The following XKR4 variants were observed in gnomAD, a reference collection of about 807,000 sequenced individuals.
The protein encoded by XKR4 is XK-related protein 4.
A neutral mutation model predicts 53.9 loss-of-function variants in XKR4; 12 were observed. The ratio of observed to expected loss-of-function variants is 0.22; its 90% CI spans 0.14 to 0.36. The LOEUF (loss-of-function observed/expected upper bound fraction) is 0.36, where lower values mean the gene tolerates loss of function less well. Among genes scored for constraint, XKR4 ranks in the 10% least tolerant of loss-of-function variants. XKR4 has a pLI of 1.00. For missense variants in XKR4, 799 were observed against 859.5 expected (o/e 0.93, Z 0.88); for synonymous variants, 354 against 362.4 (o/e 0.98, Z 0.26).
At position 55,300,045 on chromosome 8, in the gene XKR4, G is replaced by A. The variant is rs150881120; in HGVS notation, c.807-57633G>A. On this transcript the variant is annotated intron_variant, in intron 1 of 2. Coordinates refer to ENST00000327381, the MANE Select transcript of XKR4 (RefSeq NM_052898.2). Reference sequence around the variant, plus strand: ...ACTGTCTGGAGGTGTCAAAGCCCCCGCTGTAGGTGGAGAACCACGAATTCA... The same window carrying A: ...ACTGTCTGGAGGTGTCAAAGCCCCCACTGTAGGTGGAGAACCACGAATTCA... Among the ~76,000 whole-genome samples the A allele has an allele frequency of 5.2e-3, 791 of 152,266 alleles. 5 individuals are homozygous for A. The highest frequency in any genetic ancestry group is 9.3e-3 in the Non-Finnish European group (630 of 68,006).
intron 2 of XKR4, among the ~76,000 whole-genome samples, chr8:55,430,831 C>T (rs1441395348): frequency 1.3e-5 from 2 of 152,148 alleles, no homozygotes; most frequent in Non-Finnish European, 2.9e-5. Context: ...TGTATCAGTC[C>T]TATAGGATTA....
In XKR4 at chr8:55,540,502, GC is replaced by G. The variant is rs893924073; in HGVS notation, c.*16276del. 3.3e-5 allele frequency: 5 copies of G among 152,188 alleles called. No homozygotes were observed. Among genetic ancestry groups the G allele is most frequent in the African/African-American group, 1.2e-4 (5 of 41,456 alleles). 9.4% of individuals were successfully genotyped at this position (152,188 alleles called of 1,614,324 possible). A position where few individuals can be genotyped will look rare whatever the true frequency, so the allele number is the denominator to read the frequency against. On this transcript the variant is annotated 3_prime_UTR_variant, in exon 3 of 3. Transcript: ENST00000327381. ...GTAAAGAGCGCAGAAAGAGACCATA[GC>G]TATTCTTGGATGAGAACCTTGCCTC...
chr8:55,182,494 G>C (rs1259280257), intron 1 of XKR4, among the ~76,000 whole-genome samples: 2 of 152,164 alleles, frequency 1.3e-5, no homozygotes, highest in Non-Finnish European at 2.9e-5. Flanking sequence ...GGTGAGGTAA[G>C]TGTCAAGGTT....
intron 1 of XKR4, among the ~76,000 whole-genome samples, chr8:55,208,460 A>G (rs150802486): frequency 6.6e-6 from 1 of 151,840 alleles, no homozygotes; most frequent in African/African-American, 2.4e-5. Context: ...TCATTGTTAT[A>G]GTTTGTTTTC....
At chr8:55,289,597 GAA>G (rs772721406) in intron 1 of XKR4, among the ~76,000 whole-genome samples, 20 of 68,856 alleles carry the variant, frequency 2.9e-4, no homozygotes, top group Non-Finnish European at 5.3e-4. Flanking sequence ...GAAAGAGAAA[GAA>G]AGAAAGAAAG....
rs143186647 is a variant in XKR4 at position 55,190,033 on chromosome 8, G to A, written c.806+86739G>A. The stretch of plus-strand genomic sequence containing the variant: ...TCACTTGCCCGGAGACAAACCTACC[G>A]GGAGTATATTGCTAGACTGAATCCA... On this transcript the variant is annotated intron_variant, in intron 1 of 2. Coordinates refer to ENST00000327381, the MANE Select transcript of XKR4 (RefSeq NM_052898.2). Among the ~76,000 whole-genome samples, 454 of 152,274 alleles carry A rather than the reference G, an allele frequency of 3.0e-3. 2 individuals carry two copies. The highest frequency in any genetic ancestry group is 1.0e-2 in the African/African-American group (415 of 41,564).
At chr8:55,439,183 G>A (rs961452951) in intron 2 of XKR4, among the ~76,000 whole-genome samples, 1 of 152,162 alleles carries the variant, frequency 6.6e-6, no homozygotes, top group African/African-American at 2.4e-5. Context: ...GAATCTTCAA[G>A]CTAAAAAAGT....
chr8:55,428,622 C>A (rs1805054227), intron 2 of XKR4, among the ~76,000 whole-genome samples: 1 of 152,208 alleles, frequency 6.6e-6, no homozygotes, highest in Non-Finnish European at 1.5e-5. Context: ...CTTTTCTCAA[C>A]TCCCCCGTGT....
chr8:55,375,376 A>T (rs768414182), intron 2 of XKR4, among the ~76,000 whole-genome samples: 8 of 152,120 alleles, frequency 5.3e-5, no homozygotes, highest in Non-Finnish European at 1.0e-4. Flanking sequence ...AATTTATCAG[A>T]AAAGAGTTCC....
At chr8:55,471,024 G>T (rs974411043) in intron 2 of XKR4, among the ~76,000 whole-genome samples, 7 of 152,062 alleles carry the variant, frequency 4.6e-5, no homozygotes, top group African/African-American at 1.7e-4. Context: ...TCCTGGAAAG[G>T]TCTGGCAACA....
chr8:55,286,444 G>A (rs1465063688), intron 1 of XKR4, among the ~76,000 whole-genome samples: 1 of 152,182 alleles, frequency 6.6e-6, no homozygotes, highest in Non-Finnish European at 1.5e-5. Flanking sequence ...GTACCAAGGG[G>A]CAGCCTCTTT....
At chr8:55,109,925 A>G (rs1056292522) in intron 1 of XKR4, among the ~76,000 whole-genome samples, 2 of 152,210 alleles carry the variant, frequency 1.3e-5, no homozygotes, top group Non-Finnish European at 2.9e-5. Context: ...TACAGTTTGA[A>G]TGATATAGTC....
At chr8:55,404,908 T>A (rs1804661785) in intron 2 of XKR4, among the ~76,000 whole-genome samples, 1 of 152,212 alleles carries the variant, frequency 6.6e-6, no homozygotes. Flanking sequence ...AACTCCTGCC[T>A]GACAAAGCGA....
At chr8:55,356,227 G>T (rs148989959) in intron 1 of XKR4, among the ~76,000 whole-genome samples, 2 of 152,268 alleles carry the variant, frequency 1.3e-5, no homozygotes, top group African/African-American at 4.8e-5. Flanking sequence ...TATATGGTAA[G>T]ATCATAAAAT....
At chr8:55,279,329 T>C (rs1818805402) in intron 1 of XKR4, among the ~76,000 whole-genome samples, 1 of 152,214 alleles carries the variant, frequency 6.6e-6, no homozygotes, top group Non-Finnish European at 1.5e-5. Context: ...ACACTGACTC[T>C]ACACCATGGT....
At chr8:55,438,329 T>C (rs1452311715) in intron 2 of XKR4, among the ~76,000 whole-genome samples, 2 of 152,052 alleles carry the variant, frequency 1.3e-5, no homozygotes, top group African/African-American at 4.8e-5. Flanking sequence ...AGCTCATGCC[T>C]GTAATCCAAG....
chr8:55,402,432 C>A (rs1189207365), intron 2 of XKR4, among the ~76,000 whole-genome samples: 1 of 152,206 alleles, frequency 6.6e-6, no homozygotes, highest in African/African-American at 2.4e-5. Context: ...GATACCTTCT[C>A]ACTGGCCAAT....
rs549811823 is a variant in XKR4, at chr8:55,277,091, A to T, written c.807-80587A>T. Among the ~76,000 whole-genome samples, 5 of 152,340 alleles carry T rather than the reference A, an allele frequency of 3.3e-5. No homozygotes were observed. In the East Asian group the frequency reaches 9.6e-4, roughly 29 times the overall value. On this transcript the variant is annotated intron_variant, in intron 1 of 2. Transcript: ENST00000327381. ...AAGTTGGATCATTGAGCAATGAGTG[A>T]CAGAATGACTGCTTCCCAGGATTTA...
intron 2 of XKR4, among the ~76,000 whole-genome samples, chr8:55,461,652 A>G (rs989031894): frequency 6.6e-6 from 1 of 152,262 alleles, no homozygotes; most frequent in Admixed American, 6.5e-5. Flanking sequence ...TGAGAGAGGA[A>G]GGCTTCAGAA....
Sources: allele counts gnomAD v4.1 joint callset (sites outside exome capture counted in the v4.1 genomes callset), GRCh38; gene constraint gnomAD v4.1.1; transcripts MANE v1.5; gene names NCBI Gene and HGNC (gene_info 2026-07-23, HGNC 2026-07-21).